Variants in EYA3 observed in about 807,000 individuals in gnomAD.
The protein encoded by EYA3 is EYA transcriptional coactivator and phosphatase 3.
A neutral mutation model predicts 80.0 loss-of-function variants in EYA3; 39 were observed. The observed-to-expected ratio is 0.49, with a 90% confidence interval of 0.38 to 0.64. EYA3 has a LOEUF of 0.64. Among genes scored for constraint, EYA3 ranks in the 30% least tolerant of loss-of-function variants. The pLI is 0.00. For missense variants in EYA3, 523 were observed against 676.1 expected (o/e 0.77, Z 2.51); for synonymous variants, 206 against 232.8 (o/e 0.88, Z 1.05).
At position 28,017,011 on chromosome 1, in the gene EYA3, G is replaced by C; in HGVS notation, c.585+143C>G. Reference sequence around the variant, plus strand: ...TAACCTAAGATGCCATCCAGGGTCCGAGTTCTGAAGGTATCCAGAAAAAAG... The same window carrying C: ...TAACCTAAGATGCCATCCAGGGTCCCAGTTCTGAAGGTATCCAGAAAAAAG... On this transcript the variant is annotated intron_variant, in intron 8 of 17. Coordinates refer to ENST00000373871, the MANE Select transcript of EYA3 (RefSeq NM_001990.4). 6.6e-6 allele frequency: 4 copies of C among 609,024 alleles called. No individual in the cohort carries two copies. The Admixed American group carries it at 1.2e-4, about 18-fold the overall frequency. 37.7% of individuals were successfully genotyped at this position (609,024 alleles called of 1,614,324 possible). A position where few individuals can be genotyped will look rare whatever the true frequency, so the allele number is the denominator to read the frequency against.
intron 9 of EYA3, among the ~76,000 whole-genome samples, chr1:28,011,361 G>C (rs946176901): frequency 1.3e-5 from 2 of 152,192 alleles, no homozygotes; most frequent in Non-Finnish European, 2.9e-5. Context: ...AGCTGAACCT[G>C]AATCTTCATG....
chr1:27,989,175 G>A (rs138195463), intron 15 of EYA3, among the ~76,000 whole-genome samples: 7 of 152,282 alleles, frequency 4.6e-5, no homozygotes, highest in South Asian at 2.1e-4. Context: ...TGTTTACTAC[G>A]TTGTGGATCT....
chr1:27,976,262 C>A (rs111707874), intron 17 of EYA3, among the ~76,000 whole-genome samples: 10,338 of 152,088 alleles, frequency 0.068, 620 homozygotes, highest in East Asian at 0.25. Flanking sequence ...GAGTTTGAGA[C>A]CAGCCTGGCC....
intron 7 of EYA3, among the ~76,000 whole-genome samples, chr1:28,027,550 G>A (rs2148826159): frequency 6.6e-6 from 1 of 152,142 alleles, no homozygotes; most frequent in African/African-American, 2.4e-5. Flanking sequence ...ATGCAAAAGG[G>A]AAGGCTTCAA....
At chr1:28,007,628 G>A (rs1245985632) in intron 10 of EYA3, among the ~76,000 whole-genome samples, 3 of 151,902 alleles carry the variant, frequency 2.0e-5, no homozygotes, top group African/African-American at 7.3e-5. Context: ...CACTGCGCCC[G>A]GCCAATCAGC....
At chr1:28,076,733 A>AT (rs1256342702) in intron 1 of EYA3, among the ~76,000 whole-genome samples, 4 of 145,772 alleles carry the variant, frequency 2.7e-5, no homozygotes, top group Admixed American at 6.8e-5. Flanking sequence ...TGCTTTTATA[A>AT]TTTCTTTTTT....
chr1:28,013,628 A>T lies in EYA3; in HGVS notation c.586-334T>A, dbSNP rs1641840635. Among the ~76,000 whole-genome samples, 1 of 152,250 alleles carries T rather than the reference A, an allele frequency of 6.6e-6. No individual in the cohort carries two copies. Among genetic ancestry groups the T allele is most frequent in the African/African-American group, 2.4e-5 (1 of 41,466 alleles). ...AGTTTTATGTACCGAATTTCTGCAC[A>T]GAATTTGAGGGAAAGATTCTACTCT... On this transcript the variant is annotated intron_variant, in intron 8 of 17. Coordinates refer to ENST00000373871, the MANE Select transcript of EYA3 (RefSeq NM_001990.4). This position sits in a 1 kb window ranked among gnomAD's most constrained non-coding sequence, Gnocchi z 4.0.
intron 16 of EYA3, among the ~76,000 whole-genome samples, chr1:27,979,621 A>G (rs1194487750): frequency 6.6e-6 from 1 of 152,220 alleles, no homozygotes; most frequent in African/African-American, 2.4e-5. Flanking sequence ...AAGAAGTTAT[A>G]TCCCTTGCTC....
Position 28,048,429 on chromosome 1 carries a change from G to A in EYA3, c.34-3C>T. On this transcript the variant is annotated splice_polypyrimidine_tract_variant and splice_region_variant and intron_variant, in intron 2 of 17. Coordinates refer to ENST00000373871, the MANE Select transcript of EYA3 (RefSeq NM_001990.4). ...TCCTGCATCTTGGCTTTTTTCACCT[G>A]CAAAAATAAATATACAAAGGTATCA... 1 of 1,609,714 alleles carries A rather than the reference G, an allele frequency of 6.2e-7. No individual in the cohort carries two copies. Among genetic ancestry groups the A allele is most frequent in the Non-Finnish European group, 8.5e-7 (1 of 1,177,212 alleles).
At chr1:28,023,056 G>C (rs2148817794) in intron 7 of EYA3, among the ~76,000 whole-genome samples, 1 of 143,488 alleles carries the variant, frequency 7.0e-6, no homozygotes, top group South Asian at 2.3e-4. Context: ...GCATCTTGTA[G>C]TGCCAGGAAG....
intron 13 of EYA3, among the ~76,000 whole-genome samples, chr1:27,994,629 A>G (rs1004933820): frequency 2.6e-5 from 4 of 152,108 alleles, no homozygotes; most frequent in Non-Finnish European, 1.5e-5. Flanking sequence ...AGAGGTTGCA[A>G]TGAGCCAAGA....
intron 5 of EYA3, among the ~76,000 whole-genome samples, chr1:28,038,464 A>C (rs1240446932): frequency 2.1e-5 from 3 of 143,556 alleles, no homozygotes; most frequent in Non-Finnish European, 3.0e-5. Flanking sequence ...AAAAAAAAAA[A>C]CCGAACACAG....
At chr1:27,994,606 G>A (rs1640302242) in intron 13 of EYA3, among the ~76,000 whole-genome samples, 3 of 152,144 alleles carry the variant, frequency 2.0e-5, no homozygotes, top group African/African-American at 7.2e-5. Flanking sequence ...AGAATCGCTT[G>A]AGATTGGAAG....
chr1:27,971,110 A>G lies in EYA3; in HGVS notation c.*3356T>C, dbSNP rs1217440231. ...CAAACAAAAGCCCAGATGGGCATCT[A>G]AATCTGGAGCAGGTGTCCATTCTTC... is the stretch of plus-strand genomic sequence containing the variant. On this transcript the variant is annotated 3_prime_UTR_variant, in exon 18 of 18. Transcript: ENST00000373871. 2 of 152,242 alleles carry G rather than the reference A, an allele frequency of 1.3e-5. No homozygotes were observed. The highest frequency in any genetic ancestry group is 4.8e-5 in the African/African-American group (2 of 41,460). 9.4% of individuals were successfully genotyped at this position (152,242 alleles called of 1,614,324 possible).
At chr1:28,082,648 C>A (rs1645469005) in intron 1 of EYA3, among the ~76,000 whole-genome samples, 1 of 152,068 alleles carries the variant, frequency 6.6e-6, no homozygotes, top group African/African-American at 2.4e-5. Flanking sequence ...AGTGGCAAAT[C>A]AGATGTTTCA....
intron 16 of EYA3, among the ~76,000 whole-genome samples, chr1:27,985,863 T>C (rs996607326): frequency 4.6e-5 from 7 of 152,150 alleles, no homozygotes; most frequent in Non-Finnish European, 8.8e-5. Context: ...ATTACAGGTG[T>C]GAGCCACTAC....
chr1:28,025,764 C>T (rs1642744070), intron 7 of EYA3, among the ~76,000 whole-genome samples: 1 of 151,814 alleles, frequency 6.6e-6, no homozygotes, highest in Non-Finnish European at 1.5e-5. Context: ...TTTTAAATTT[C>T]TATTTATTTT....
chr1:28,033,371 C>T (rs1425847495), intron 6 of EYA3, among the ~76,000 whole-genome samples: 1 of 152,144 alleles, frequency 6.6e-6, no homozygotes, highest in Non-Finnish European at 1.5e-5. Flanking sequence ...TATGCCATCT[C>T]TATCATTCAC....
At chr1:28,066,521 C>CA (rs1320455236) in intron 1 of EYA3, among the ~76,000 whole-genome samples, 3 of 151,450 alleles carry the variant, frequency 2.0e-5, no homozygotes, top group African/African-American at 7.3e-5. Context: ...TACCAACATG[C>CA]AAAAAATATC....
Sources: allele counts gnomAD v4.1 joint callset (sites outside exome capture counted in the v4.1 genomes callset), GRCh38; gene constraint gnomAD v4.1.1; non-coding constraint Gnocchi (gnomAD v3.1); transcripts MANE v1.5; gene names NCBI Gene and HGNC (gene_info 2026-07-23, HGNC 2026-07-21).